Variants in AQP7 observed in about 807,000 individuals in gnomAD.
AQP7 encodes the protein aquaporin 7.
A neutral mutation model predicts 26.1 loss-of-function variants in AQP7; 22 were observed. The ratio of observed to expected loss-of-function variants is 0.84; its 90% CI spans 0.60 to 1.20. The LOEUF (loss-of-function observed/expected upper bound fraction) is 1.20. Among genes scored for constraint, AQP7 ranks in the 50% most tolerant of loss-of-function variants. The pLI is 0.00. For synonymous variants in AQP7, 167 were observed against 181.7 expected, an observed-to-expected ratio of 0.92 and a Z score of 0.65; for missense variants, 412 against 457.5, an observed-to-expected ratio of 0.90 and a Z score of 0.91.
chr9:33,392,299 CAAA>C (rs36017412), intron 3 of AQP7, among the ~76,000 whole-genome samples: 2 of 118,698 alleles, frequency 1.7e-5, no homozygotes. Flanking sequence ...GACTGTATCT[CAAA>C]AAAAAAAAAA....
At chr9:33,391,153 CAT>C (rs1044567901) in intron 3 of AQP7, among the ~76,000 whole-genome samples, 38 of 152,222 alleles carry the variant, frequency 2.5e-4, no homozygotes, top group African/African-American at 8.2e-4. Flanking sequence ...ATGAACCCCA[CAT>C]GATTCCCTGT....
chr9:33,394,629 CTG>C (rs1363550124), intron 3 of AQP7, among the ~76,000 whole-genome samples: 6 of 151,890 alleles, frequency 4.0e-5, no homozygotes, highest in African/African-American at 7.3e-5. Flanking sequence ...TCCTGAATAA[CTG>C]AGATTACAGG....
Position 33,383,563 on chromosome 9 carries a change from C to G in AQP7, c.*1442G>C, listed in dbSNP as rs1824511945. 1 of 152,314 alleles carries G rather than the reference C, an allele frequency of 6.6e-6. No individual in the cohort carries two copies. Among genetic ancestry groups the G allele is most frequent in the South Asian group, 2.1e-4 (1 of 4,828 alleles). 9.4% of individuals were successfully genotyped at this position (152,314 alleles called of 1,614,324 possible). On this transcript the variant is annotated 3_prime_UTR_variant, in exon 8 of 8. Transcript: ENST00000297988. The stretch of plus-strand genomic sequence containing the variant: ...TCTCCGGTATTGATCAATCCCCGCT[C>G]TCGTCTCCACGCCCACGGTGCTGAC...
intron 2 of AQP7, among the ~76,000 whole-genome samples, chr9:33,396,743 T>A (rs565742813): frequency 1.0e-3 from 154 of 149,272 alleles, no homozygotes; most frequent in African/African-American, 3.5e-3. Context: ...GGCCATTCAC[T>A]TCTTCCACAT....
chr9:33,400,552 C>T (rs566031833), intron 2 of AQP7, among the ~76,000 whole-genome samples: 4 of 152,000 alleles, frequency 2.6e-5, no homozygotes, highest in Admixed American at 6.6e-5. Context: ...GAGGCCAAGG[C>T]GGGTGGATCA....
chr9:33,398,567 C>T (rs140476166), intron 2 of AQP7, among the ~76,000 whole-genome samples: 225 of 152,304 alleles, frequency 1.5e-3, no homozygotes, highest in African/African-American at 5.1e-3. Flanking sequence ...GGGAAGAGAG[C>T]GGGGCAGCTC....
At chr9:33,398,973 CTTT>C (rs10533009) in intron 2 of AQP7, among the ~76,000 whole-genome samples, 21 of 139,400 alleles carry the variant, frequency 1.5e-4, no homozygotes, top group Non-Finnish European at 1.1e-4. Context: ...TTTCTTTTTC[CTTT>C]TTTTTTTTTT....
At position 33,386,488 on chromosome 9, in the gene AQP7, G is replaced by C. The variant is rs750711308; in HGVS notation, c.322C>G (p.Pro108Ala). 6.4e-5 allele frequency: 103 copies of C among 1,612,342 alleles called. No individual in the cohort carries two copies. Among genetic ancestry groups the C allele is most frequent in the Non-Finnish European group, 8.6e-5 (102 of 1,179,296 alleles). Residue 108 changes from proline (P) to alanine (A), a missense_variant, in exon 5 of 8, where the codon CCC becomes GCC. By Grantham distance (27) the Pro-to-Ala change is conservative. Transcript: ENST00000297988. ...ACATAGACCGGAAACTTCCTCCAGG[G>C]CACGCGGCCCAGCGCACAGTTAGCA... ...TFANCALGRV[P>A]WRKFPVYVLG... is the part of the protein sequence containing the mutation.
At chr9:33,397,901 G>C (rs1416223127) in intron 2 of AQP7, among the ~76,000 whole-genome samples, 2 of 152,174 alleles carry the variant, frequency 1.3e-5, no homozygotes, top group African/African-American at 4.8e-5. Flanking sequence ...CCACCAACCA[G>C]CCAATGAACT....
At position 33,385,781 on chromosome 9, in the gene AQP7, A is replaced by G; in HGVS notation, c.611T>C (p.Leu204Pro). The change falls in exon 7 of 8, where the codon CTG becomes CCG. Residue 204 changes from leucine (L) to proline (P), a missense_variant. Transcript: ENST00000297988. Reference sequence around the variant, plus strand: ...GATGACCACGAGGATGCCTATCACCAGCGCCTCTGTTCCTGGCAGTGCTGG... The same window carrying G: ...GATGACCACGAGGATGCCTATCACCGGCGCCTCTGTTCCTGGCAGTGCTGG... ...NNPALPGTEA[L>P]VIGILVVIIG... The G allele has an allele frequency of 6.2e-7, 1 of 1,613,454 alleles. No homozygotes were observed. Among genetic ancestry groups the G allele is most frequent in the Non-Finnish European group, 8.5e-7 (1 of 1,179,982 alleles).
Position 33,383,265 on chromosome 9 carries a change from A to G in AQP7, c.*1740T>C, listed in dbSNP as rs1258766259. 2 of 152,238 alleles carry G rather than the reference A, an allele frequency of 1.3e-5. No homozygotes were observed. Among genetic ancestry groups the G allele is most frequent in the Non-Finnish European group, 2.9e-5 (2 of 68,050 alleles). 9.4% of individuals were successfully genotyped at this position (152,238 alleles called of 1,614,324 possible). On this transcript the variant is annotated 3_prime_UTR_variant, in exon 8 of 8. Coordinates refer to ENST00000297988, the MANE Select transcript of AQP7 (RefSeq NM_001170.3). ...TAATATTCTTATCGCCATTTTACAA[A>G]TAAGAAGACCAAGGCCCAGAAGGGT...
chr9:33,386,250 T>G, intron 5 of AQP7, 55 bp from the exon 6 acceptor site: 1 of 1,610,502 alleles, frequency 6.2e-7, no homozygotes, highest in African/African-American at 1.3e-5. Context: ...CCCACCGGGG[T>G]CCCAGAAATG....
intron 3 of AQP7, among the ~76,000 whole-genome samples, chr9:33,387,656 C>T (rs1824984916): frequency 1.3e-5 from 2 of 152,078 alleles, no homozygotes; most frequent in Non-Finnish European, 1.5e-5. Flanking sequence ...CTGCTTCTTG[C>T]CCATCCCTCA....
chr9:33,386,249 G>A, intron 5 of AQP7, 54 bp from the exon 6 acceptor site: 1 of 1,610,994 alleles, frequency 6.2e-7, no homozygotes, highest in South Asian at 1.1e-5. Context: ...CCCCACCGGG[G>A]TCCCAGAAAT....
At chr9:33,390,419 G>A (rs12683243) in intron 3 of AQP7, among the ~76,000 whole-genome samples, 1 of 151,912 alleles carries the variant, frequency 6.6e-6, no homozygotes, top group Non-Finnish European at 1.5e-5. Context: ...GCTGAACACA[G>A]GAAGTGTTGA....
chr9:33,388,906 G>A (rs1035533494), intron 3 of AQP7, among the ~76,000 whole-genome samples: 8 of 152,222 alleles, frequency 5.3e-5, no homozygotes, highest in Non-Finnish European at 1.2e-4. Flanking sequence ...ACCCAGGCTG[G>A]AGTGCAGTGC....
intron 6 of AQP7, 105 bp from the exon 7 acceptor site, chr9:33,385,971 A>T: frequency 6.4e-7 from 1 of 1,567,332 alleles, no homozygotes; most frequent in Admixed American, 1.8e-5. Context: ...GTCTCGGTAC[A>T]GTCTCCATCC....
rs1279457345 is a variant in AQP7, at chr9:33,384,746, C to T, written c.*259G>A. The T allele has an allele frequency of 1.0e-5, 4 of 387,430 alleles. No individual in the cohort carries two copies. The East Asian group carries it at 1.3e-4, about 12-fold the overall frequency. 24.0% of individuals were successfully genotyped at this position (387,430 alleles called of 1,614,324 possible). On this transcript the variant is annotated 3_prime_UTR_variant, in exon 8 of 8. Coordinates refer to ENST00000297988, the MANE Select transcript of AQP7 (RefSeq NM_001170.3). Reference sequence around the variant, plus strand: ...CGTGCCTGAAAATCCCTCATTCTGTCGTTCTTTCATCTCACCCTGTTCCTA... The same window carrying T: ...CGTGCCTGAAAATCCCTCATTCTGTTGTTCTTTCATCTCACCCTGTTCCTA...
chr9:33,397,505 C>G (rs1295178564), intron 2 of AQP7, among the ~76,000 whole-genome samples: 1 of 151,970 alleles, frequency 6.6e-6, no homozygotes, highest in African/African-American at 2.4e-5. Flanking sequence ...CTGCATCCCC[C>G]TCCATCTACT....
Sources: gnomAD v4.1 joint callset for allele counts (sites outside exome capture counted in the v4.1 genomes callset) on GRCh38, gnomAD v4.1.1 for gene constraint, MANE v1.5 for transcripts, NCBI Gene and HGNC (gene_info 2026-07-23, HGNC 2026-07-21) for gene names.